The following GRIN2B variants were observed in gnomAD, a reference collection of about 807,000 sequenced individuals.
GRIN2B encodes the protein glutamate ionotropic receptor NMDA type subunit 2B, also known as glutamate receptor ionotropic, NMDA 2B.
In GRIN2B, 5 loss-of-function variants were observed where a neutral mutation model predicts 114.5. The observed-to-expected ratio is 0.04, with a 90% CI of 0.02 to 0.09. The LOEUF is 0.09. Among genes scored for constraint, GRIN2B ranks in the 10% least tolerant of loss-of-function variants. GRIN2B has a pLI of 1.00. For synonymous variants in GRIN2B, 787 were observed against 745.1 expected (o/e 1.06, Z -0.92); for missense variants, 1,108 against 1,943.5 (o/e 0.57, Z 8.08).
intron 2 of GRIN2B, among the ~76,000 whole-genome samples, chr12:13,942,864 T>C (rs1173153985): frequency 6.6e-6 from 1 of 152,182 alleles, no homozygotes; most frequent in Non-Finnish European, 1.5e-5. Flanking sequence ...AATCTCATTA[T>C]CATCTCTCCC....
intron 10 of GRIN2B, among the ~76,000 whole-genome samples, chr12:13,586,472 C>A (rs771488143): frequency 2.6e-5 from 4 of 152,148 alleles, no homozygotes; most frequent in Non-Finnish European, 4.4e-5. Flanking sequence ...GACTGGGAAG[C>A]CGATGCCTCA....
chr12:13,872,170 C>G (rs1036400050), intron 2 of GRIN2B, among the ~76,000 whole-genome samples: 1 of 151,996 alleles, frequency 6.6e-6, no homozygotes, highest in Non-Finnish European at 1.5e-5. Context: ...TTATTATAAA[C>G]CCCTTCCACT....
chr12:13,956,693 GTGAGCC>G (rs1867598553), intron 2 of GRIN2B, among the ~76,000 whole-genome samples: 1 of 152,180 alleles, frequency 6.6e-6, no homozygotes, highest in Non-Finnish European at 1.5e-5. Context: ...CAGTAAGCCC[GTGAGCC>G]ACAGAACAAA....
intron 10 of GRIN2B, among the ~76,000 whole-genome samples, chr12:13,582,761 G>A (rs907789231): frequency 1.3e-5 from 2 of 152,066 alleles, no homozygotes; most frequent in African/African-American, 4.8e-5. Context: ...GTGAGGACTG[G>A]AACTTATTCT....
chr12:13,587,386 C>G (rs1948943550), intron 10 of GRIN2B, among the ~76,000 whole-genome samples: 1 of 139,088 alleles, frequency 7.2e-6, no homozygotes, highest in East Asian at 2.1e-4. Context: ...GAGATAGGGT[C>G]TTGCTCTGTT....
At chr12:13,592,814 G>A (rs910105180) in intron 10 of GRIN2B, among the ~76,000 whole-genome samples, 1 of 152,122 alleles carries the variant, frequency 6.6e-6, no homozygotes, top group African/African-American at 2.4e-5. Flanking sequence ...ACATCTAGGT[G>A]TTAAAAGGAA....
chr12:13,605,541 T>TGA (rs1565472433), intron 10 of GRIN2B, among the ~76,000 whole-genome samples: 4 of 75,596 alleles, frequency 5.3e-5, no homozygotes, highest in African/African-American at 1.1e-4. Flanking sequence ...TCTCTCTCTC[T>TGA]CTCTCTCTCT....
chr12:13,564,768 A>AG lies in GRIN2B; in HGVS notation c.2599-130_2599-129insC. The AG allele has an allele frequency of 2.3e-6, 2 of 871,838 alleles. No homozygotes were observed. The highest frequency in any genetic ancestry group is 3.8e-6 in the Non-Finnish European group (2 of 525,224). The allele number at this position is 871,838 out of a possible 1,614,324, so 54.0% of individuals were successfully genotyped here. ...GAAAGCATGAAGCGAATAGTCTAAT[A>AG]TACTATTAGATGTGGCTAGAAGTTT... On this transcript the variant is annotated intron_variant, in intron 13 of 13. Coordinates refer to ENST00000609686, the MANE Select transcript of GRIN2B (RefSeq NM_000834.5). This position sits in a 1 kb window ranked among gnomAD's most constrained non-coding sequence, Gnocchi z 4.8.
chr12:13,788,419 A>G lies in GRIN2B; in HGVS notation c.412-34504T>C, dbSNP rs559498107. On this transcript the variant is annotated intron_variant, in intron 3 of 13. Transcript: ENST00000609686. Reference sequence around the variant, plus strand: ...TGATACTGTCAATCAGAGAAAAATTATAAAAATCTAGGCATAAAGACCTTA... The same window carrying G: ...TGATACTGTCAATCAGAGAAAAATTGTAAAAATCTAGGCATAAAGACCTTA... Among the ~76,000 whole-genome samples the G allele has an allele frequency of 3.9e-5, 6 of 152,360 alleles. No individual in the cohort carries two copies. In the South Asian group the frequency reaches 1.2e-3, roughly 32 times the overall value.
At chr12:13,694,101 GCA>G (rs1412933974) in intron 4 of GRIN2B, among the ~76,000 whole-genome samples, 3 of 152,012 alleles carry the variant, frequency 2.0e-5, no homozygotes, top group African/African-American at 7.3e-5. Context: ...TGAGAAATAA[GCA>G]CACTCTTTTT....
intron 2 of GRIN2B, among the ~76,000 whole-genome samples, chr12:13,918,279 C>A (rs778072427): frequency 6.6e-6 from 1 of 152,178 alleles, no homozygotes; most frequent in Non-Finnish European, 1.5e-5. Flanking sequence ...GTGGCACATG[C>A]CTGCAGTCCT....
chr12:13,943,510 C>G (rs219915), intron 2 of GRIN2B, among the ~76,000 whole-genome samples: 2 of 151,868 alleles, frequency 1.3e-5, no homozygotes, highest in African/African-American at 4.8e-5. Flanking sequence ...CAAAGCCCTA[C>G]GTGAACTGGC....
At chr12:13,927,026 A>T (rs1474852445) in intron 2 of GRIN2B, among the ~76,000 whole-genome samples, 1 of 152,108 alleles carries the variant, frequency 6.6e-6, no homozygotes, top group Non-Finnish European at 1.5e-5. Context: ...ATGGAAATTC[A>T]GGAACCAGGA....
Position 13,957,029 on chromosome 12 carries a change from T to TA in GRIN2B, c.-19+22898dup, listed in dbSNP as rs572223740. ...AGTTCAGGTTATTTTCTTATAGGCA[T>TA]AAAAAATAAATTAGATTAAAATTCA... On this transcript the variant is annotated intron_variant, in intron 2 of 13. Transcript: ENST00000609686. Among the ~76,000 whole-genome samples, 135 of 152,244 alleles carry TA rather than the reference T, an allele frequency of 8.9e-4. 1 individual carries two copies. Among genetic ancestry groups the TA allele is most frequent in the Non-Finnish European group, 1.2e-3 (82 of 68,014 alleles).
Position 13,971,141 on chromosome 12 carries a change from C to T in GRIN2B, c.-19+8787G>A, listed in dbSNP as rs182084855. On this transcript the variant is annotated intron_variant, in intron 2 of 13. Transcript: ENST00000609686. The stretch of plus-strand genomic sequence containing the variant: ...TGAAAAATTCAAATCGAGGAGTATG[C>T]GTCTTAGTTTTCTCCTAAATATTTA... 8.5e-4 allele frequency among the ~76,000 whole-genome samples: 129 copies of T among 152,282 alleles called. 1 individual carries two copies. The East Asian group carries it at 0.017, about 20-fold the overall frequency.
At chr12:13,887,348 T>C (rs1866180567) in intron 2 of GRIN2B, among the ~76,000 whole-genome samples, 1 of 152,174 alleles carries the variant, frequency 6.6e-6, no homozygotes, top group Non-Finnish European at 1.5e-5. Flanking sequence ...GAATTTCTAT[T>C]TTAAAACCCA....
chr12:13,951,831 G>T (rs143013228), intron 2 of GRIN2B, among the ~76,000 whole-genome samples: 3 of 152,282 alleles, frequency 2.0e-5, no homozygotes, highest in Non-Finnish European at 2.9e-5. Flanking sequence ...GTTAACCTGT[G>T]TGGCTTCTGT....
intron 2 of GRIN2B, among the ~76,000 whole-genome samples, chr12:13,884,111 CTT>C (rs1025204649): frequency 6.6e-6 from 1 of 152,142 alleles, no homozygotes; most frequent in Non-Finnish European, 1.5e-5. Context: ...CTTGTGGACT[CTT>C]TTATGCTATT....
chr12:13,778,439 A>T (rs1020588458), intron 3 of GRIN2B, among the ~76,000 whole-genome samples: 1 of 152,246 alleles, frequency 6.6e-6, no homozygotes, highest in African/African-American at 2.4e-5. Context: ...CACCTTTAAC[A>T]GCCAACCAGA....
Sources: gnomAD v4.1 joint callset for allele counts (sites outside exome capture counted in the v4.1 genomes callset) on GRCh38, gnomAD v4.1.1 for gene constraint, Gnocchi (gnomAD v3.1) non-coding constraint, MANE v1.5 for transcripts, NCBI Gene and HGNC (gene_info 2026-07-23, HGNC 2026-07-21) for gene names.